The following RSPO1 variants were observed in gnomAD, a reference collection of about 807,000 sequenced individuals.
RSPO1 encodes the protein R-spondin 1.
RSPO1 carries 18 observed loss-of-function variants against 26.0 expected under a neutral mutation model. The ratio of observed to expected loss-of-function variants is 0.69; its 90% CI spans 0.48 to 1.03. RSPO1 has a LOEUF of 1.03. RSPO1 is among the 50% of genes least tolerant of loss of function. The pLI, the probability that RSPO1 is intolerant of heterozygous loss-of-function variation, is 0.00. For missense variants in RSPO1, 309 were observed against 352.3 expected (o/e 0.88, Z 0.98); for synonymous variants, 133 against 137.4 (o/e 0.97, Z 0.22).
intron 4 of RSPO1, among the ~76,000 whole-genome samples, chr1:37,615,216 T>C (rs992939747): frequency 6.6e-6 from 1 of 152,076 alleles, no homozygotes; most frequent in Non-Finnish European, 1.5e-5. Flanking sequence ...ACTCCCACCA[T>C]CCTCCAGGCT....
intron 1 of RSPO1, among the ~76,000 whole-genome samples, chr1:37,633,870 G>A (rs980880576): frequency 6.6e-6 from 1 of 152,316 alleles, no homozygotes; most frequent in South Asian, 2.1e-4. Flanking sequence ...TGCCGAGGGA[G>A]ACGCGGACCT....
chr1:37,634,302 AC>A lies in RSPO1; in HGVS notation c.-356+263del, dbSNP rs534848879. 2.9e-3 allele frequency among the ~76,000 whole-genome samples: 444 copies of A among 152,196 alleles called. 1 individual carries two copies. Among genetic ancestry groups the A allele is most frequent in the African/African-American group, 1.0e-2 (414 of 41,530 alleles). On this transcript the variant is annotated intron_variant, in intron 1 of 6. Coordinates refer to ENST00000356545, the MANE Select transcript of RSPO1 (RefSeq NM_001242908.2). The surrounding 1 kb of genome is among the most constrained non-coding windows in gnomAD (Gnocchi z 4.7). ...TTCAGGACTGCGAGTGAGGATGATC[AC>A]CCGGGGCTGCGGGATGGAGGGGAGT...
At chr1:37,618,888 T>A (rs992955713) in intron 3 of RSPO1, among the ~76,000 whole-genome samples, 9 of 152,100 alleles carry the variant, frequency 5.9e-5, no homozygotes, top group African/African-American at 2.2e-4. Context: ...TGTCTTTGTA[T>A]CATGCTAAGG....
rs1325201728 is a variant in RSPO1 at position 37,614,191 on chromosome 1, A to G, written c.429T>C (p.Ser143=). The G allele has an allele frequency of 1.9e-6, 3 of 1,612,768 alleles. No homozygotes were observed. The highest frequency in any genetic ancestry group is 1.7e-5 in the Admixed American group (1 of 60,012). The change falls in exon 5 of 7, where the codon AGT becomes AGC. Residue 143 remains serine, a synonymous_variant. Coordinates refer to ENST00000356545, the MANE Select transcript of RSPO1 (RefSeq NM_001242908.2). ...GTGCCTGCCATGGCTTACCAGGACT[A>G]CTGCACTCCATGGTGCCATTGGCAG... ...SSAANGTMEC[S]SPAQCEMSEW...
chr1:37,621,919 A>C (rs1644209017), intron 3 of RSPO1, among the ~76,000 whole-genome samples: 1 of 151,438 alleles, frequency 6.6e-6, no homozygotes, highest in Admixed American at 6.6e-5. Flanking sequence ...CTCCTGCTTC[A>C]GCCTCCTGAG....
At chr1:37,616,845 C>T (rs530844461) in intron 3 of RSPO1, among the ~76,000 whole-genome samples, 170 bp from the exon 4 acceptor site, 1 of 152,230 alleles carries the variant, frequency 6.6e-6, no homozygotes, top group Non-Finnish European at 1.5e-5. Context: ...CTTTATACAC[C>T]TTCCCAGTAG....
chr1:37,631,114 C>G (rs757670709), intron 2 of RSPO1, among the ~76,000 whole-genome samples: 1 of 152,096 alleles, frequency 6.6e-6, no homozygotes, highest in Non-Finnish European at 1.5e-5. Context: ...CCTCTAGGCT[C>G]TTCAGTGCCA....
intron 2 of RSPO1, among the ~76,000 whole-genome samples, chr1:37,630,531 C>CG (rs1273373141): frequency 2.0e-5 from 3 of 152,206 alleles, no homozygotes; most frequent in Non-Finnish European, 4.4e-5. Flanking sequence ...GCAGGCCCGG[C>CG]GGGCCTGGCC....
chr1:37,613,704 C>G lies in RSPO1; in HGVS notation c.625G>C (p.Gly209Arg). The change falls in exon 6 of 7, where the codon GGG becomes CGG. Residue 209 changes from glycine to arginine, a missense_variant and splice_region_variant. Transcript: ENST00000356545. This position sits in a 1 kb window ranked among gnomAD's most constrained non-coding sequence, Gnocchi z 4.5. Reference sequence around the variant, plus strand: ...CAGGGAGGCAGAGGCTGCAGCTCACCCTCAGGACACGGCACTCTCCTCACT... The same window carrying G: ...CAGGGAGGCAGAGGCTGCAGCTCACGCTCAGGACACGGCACTCTCCTCACT... ...CTVRRVPCPE[G>R]QKRRKGGQGR... The G allele has an allele frequency of 1.9e-6, 3 of 1,612,692 alleles. No individual in the cohort carries two copies. Among genetic ancestry groups the G allele is most frequent in the Non-Finnish European group, 2.5e-6 (3 of 1,179,518 alleles).
intron 3 of RSPO1, among the ~76,000 whole-genome samples, chr1:37,628,993 CCCTTCGATGCCA>C (rs1306895395): frequency 1.3e-5 from 2 of 152,302 alleles, no homozygotes; most frequent in Non-Finnish European, 2.9e-5. Flanking sequence ...TGCTTGTCTC[CCCTTCGATGCCA>C]CTGTAGCTCC....
intron 3 of RSPO1, among the ~76,000 whole-genome samples, chr1:37,627,690 AAAACT>A (rs1196751756): frequency 6.9e-6 from 1 of 145,076 alleles, no homozygotes; most frequent in Non-Finnish European, 1.5e-5. Flanking sequence ...AAAACAAAAC[AAAACT>A]ATATATATAT....
rs1002789091 is a variant in RSPO1, at chr1:37,629,820, G to A, written c.-159C>T. 5.8e-6 allele frequency: 9 copies of A among 1,550,900 alleles called. No homozygotes were observed. The highest frequency in any genetic ancestry group is 3.4e-4 in the Middle Eastern group (2 of 5,956). On this transcript the variant is annotated 5_prime_UTR_variant, in exon 3 of 7. Transcript: ENST00000356545. ...CCATAATCTCAGCTGGGGACAGAGAGGGTGTGGGGAGCCCAGTTCTCCATC... is the reference window on the plus strand; with the variant it reads ...CCATAATCTCAGCTGGGGACAGAGAAGGTGTGGGGAGCCCAGTTCTCCATC...
At chr1:37,614,709 G>A (rs1010948974) in intron 4 of RSPO1, among the ~76,000 whole-genome samples, 5 of 152,212 alleles carry the variant, frequency 3.3e-5, no homozygotes, top group Non-Finnish European at 5.9e-5. Context: ...GCATCTCACA[G>A]CATCCAGAGG....
Position 37,612,652 on chromosome 1 carries a change from G to T in RSPO1, c.*103C>A. 2 of 1,182,012 alleles carry T rather than the reference G, an allele frequency of 1.7e-6. No homozygotes were observed. The highest frequency in any genetic ancestry group is 2.5e-6 in the Non-Finnish European group (2 of 801,626). The allele number at this position is 1,182,012 out of a possible 1,614,324, so 73.2% of individuals were successfully genotyped here. ...TATGTATGCATGGATGGATTGGAGT[G>T]TGTGTGTATGCTTTGCCCCCGACGT... On this transcript the variant is annotated 3_prime_UTR_variant, in exon 7 of 7. Transcript: ENST00000356545.
intron 1 of RSPO1, among the ~76,000 whole-genome samples, chr1:37,633,563 C>T (rs1476662431): frequency 6.6e-6 from 1 of 152,116 alleles, no homozygotes; most frequent in Non-Finnish European, 1.5e-5. Context: ...AAAATGTAAA[C>T]TATCTAGATA....
chr1:37,633,957 GC>G (rs1644399094), intron 1 of RSPO1, among the ~76,000 whole-genome samples: 1 of 152,186 alleles, frequency 6.6e-6, no homozygotes, highest in Non-Finnish European at 1.5e-5. Context: ...GAAAACTCCT[GC>G]CCCCAAGCAC....
chr1:37,629,773 C>A lies in RSPO1; in HGVS notation c.-112G>T. On this transcript the variant is annotated 5_prime_UTR_variant, in exon 3 of 7. Coordinates refer to ENST00000356545, the MANE Select transcript of RSPO1 (RefSeq NM_001242908.2). ...CTGGGTCAGCAGCAGGAGGCCCAGG[C>A]CTGGGCCGTAGCCCAAATCCACCAT... The A allele has an allele frequency of 3.2e-6, 5 of 1,554,904 alleles. No individual in the cohort carries two copies. The highest frequency in any genetic ancestry group is 4.4e-6 in the Non-Finnish European group (5 of 1,148,794).
chr1:37,613,971 G>T lies in RSPO1; in HGVS notation c.437-79C>A. ...TCCTCCTCTGGCCCAGAATAGCCCA[G>T]GGGAGCATCTCCCACTTTCCTTCTG... is the stretch of plus-strand genomic sequence containing the variant. On this transcript the variant is annotated intron_variant, in intron 5 of 6. Transcript: ENST00000356545. This position sits in a 1 kb window ranked among gnomAD's most constrained non-coding sequence, Gnocchi z 4.5. The T allele has an allele frequency of 4.6e-6, 7 of 1,506,288 alleles. No homozygotes were observed. In the South Asian group the frequency reaches 7.9e-5, roughly 17 times the overall value. The allele number at this position is 1,506,288 out of a possible 1,614,324, so 93.3% of individuals were successfully genotyped here.
intron 3 of RSPO1, among the ~76,000 whole-genome samples, chr1:37,622,783 T>C (rs1644221462): frequency 6.6e-6 from 1 of 152,078 alleles, no homozygotes; most frequent in Non-Finnish European, 1.5e-5. Flanking sequence ...GATCATTGAT[T>C]AGGTGACCTT....
Sources: allele counts gnomAD v4.1 joint callset (sites outside exome capture counted in the v4.1 genomes callset), GRCh38; gene constraint gnomAD v4.1.1; non-coding constraint Gnocchi (gnomAD v3.1); transcripts MANE v1.5; gene names NCBI Gene and HGNC (gene_info 2026-07-23, HGNC 2026-07-21).